The following RALGPS2 variants were observed in gnomAD, a reference collection of about 807,000 sequenced individuals.
RALGPS2 encodes Ral GEF with PH domain and SH3 binding motif 2, also known as ras-specific guanine nucleotide-releasing factor RalGPS2.
In RALGPS2, 43 loss-of-function variants were observed where a neutral mutation model predicts 86.8. The observed-to-expected ratio is 0.50, with a 90% CI of 0.39 to 0.64. The LOEUF (loss-of-function observed/expected upper bound fraction) is 0.64. RALGPS2 is among the 30% of genes least tolerant of loss of function. The pLI is 0.00. For synonymous variants in RALGPS2, 243 were observed against 231.3 expected, an observed-to-expected ratio of 1.05 and a Z score of -0.46; for missense variants, 536 against 694.6, an observed-to-expected ratio of 0.77 and a Z score of 2.57.
chr1:178,811,418 G>T lies in RALGPS2; in HGVS notation c.387+14G>T, dbSNP rs763113767. The T allele has an allele frequency of 2.7e-6, 4 of 1,489,664 alleles. No homozygotes were observed. In the East Asian group the frequency reaches 7.7e-5, roughly 29 times the overall value. The allele number at this position is 1,489,664 out of a possible 1,614,324, so 92.3% of individuals were successfully genotyped here. A position where few individuals can be genotyped will look rare whatever the true frequency, so the allele number is the denominator to read the frequency against. On this transcript the variant is annotated intron_variant, in intron 6 of 19. Coordinates refer to ENST00000367635, the MANE Select transcript of RALGPS2 (RefSeq NM_152663.5). ...AAAACTGCTAAGGTAAGAAAAACTT[G>T]TGTTTTTATTTTTGAGTTCAACCAT...
At chr1:178,869,343 T>C (rs368320746) in intron 8 of RALGPS2, 1 of 152,136 alleles carries the variant, frequency 6.6e-6, no homozygotes, top group East Asian at 1.9e-4. Flanking sequence ...GTTAAATTTA[T>C]GAAGCATTCA....
intron 6 of RALGPS2, among the ~76,000 whole-genome samples, chr1:178,815,010 A>C (rs1655159717): frequency 1.3e-5 from 2 of 152,052 alleles, no homozygotes; most frequent in African/African-American, 4.8e-5. Context: ...TCTGTTTAAG[A>C]TCTTTCAGCA....
chr1:178,784,322 A>C (rs1001625612), intron 2 of RALGPS2, 96 bp from the exon 3 acceptor site: 1 of 804,798 alleles, frequency 1.2e-6, no homozygotes, highest in East Asian at 2.9e-5. Flanking sequence ...TTGTTAACCT[A>C]CTGTTTTGTT....
At position 178,757,669 on chromosome 1, in the gene RALGPS2, G is replaced by A. The variant is rs568935335; in HGVS notation, c.-83-19013G>A. ...CTTAATCATGGTGAATTAACTTTTT[G>A]GTGTGCTGCTGGATTCGGCTTGCTA... On this transcript the variant is annotated intron_variant, in intron 1 of 19. Transcript: ENST00000367635. Among the ~76,000 whole-genome samples, 4 of 152,222 alleles carry A rather than the reference G, an allele frequency of 2.6e-5. No homozygotes were observed. In the South Asian group the frequency reaches 8.3e-4, roughly 32 times the overall value.
intron 18 of RALGPS2, among the ~76,000 whole-genome samples, chr1:178,903,582 A>G (rs972745773): frequency 1.3e-5 from 2 of 152,170 alleles, no homozygotes; most frequent in Non-Finnish European, 2.9e-5. Context: ...GCTCCCACGT[A>G]TCAGTGAGAA....
intron 16 of RALGPS2, among the ~76,000 whole-genome samples, chr1:178,896,205 A>T (rs979693067): frequency 5.3e-5 from 8 of 152,056 alleles, no homozygotes; most frequent in Admixed American, 2.6e-4. Context: ...TTGATGGCCC[A>T]AAAGCCAAAT....
intron 4 of RALGPS2, among the ~76,000 whole-genome samples, chr1:178,802,798 T>A (rs542540658): frequency 5.6e-4 from 85 of 152,176 alleles, no homozygotes; most frequent in South Asian, 3.5e-3. Flanking sequence ...TTAACTTTTT[T>A]AAATACATTT....
At chr1:178,903,094 C>T (rs1420449252) in intron 18 of RALGPS2, among the ~76,000 whole-genome samples, 1 of 152,066 alleles carries the variant, frequency 6.6e-6, no homozygotes, top group African/African-American at 2.4e-5. Context: ...ATAACAACTG[C>T]TAGCTGTTGA....
In RALGPS2 at chr1:178,733,563, A is replaced by T. The variant is rs1650514296; in HGVS notation, c.-84+8144A>T. On this transcript the variant is annotated intron_variant, in intron 1 of 19. Transcript: ENST00000367635. ...GTGTTAGTTAAAAAATCTGAAATAC[A>T]AAGTGTTGGCAAGAATGTAGAGCAT... 3.9e-5 allele frequency among the ~76,000 whole-genome samples: 6 copies of T among 152,266 alleles called. No individual in the cohort carries two copies. In the South Asian group the frequency reaches 1.2e-3, roughly 32 times the overall value.
At chr1:178,889,810 C>G in intron 14 of RALGPS2, 114 bp downstream of exon 14, 2 of 640,308 alleles carry the variant, frequency 3.1e-6, no homozygotes, top group Non-Finnish European at 5.2e-6. Context: ...ATTAAGTTTT[C>G]TACTGGTAAA....
In RALGPS2 at chr1:178,779,042, T is replaced by C. The variant is rs117235191; in HGVS notation, c.57+2221T>C. On this transcript the variant is annotated intron_variant, in intron 2 of 19. Transcript: ENST00000367635. ...TACATTACATCATCCTTGAGGGCAA[T>C]AATGCAAGTAAGGCAAAGAAAGATT... Among the ~76,000 whole-genome samples the C allele has an allele frequency of 3.9e-5, 6 of 152,282 alleles. No homozygotes were observed. In the East Asian group the frequency reaches 1.2e-3, roughly 29 times the overall value.
At chr1:178,864,941 A>G in intron 8 of RALGPS2, 2 of 1,424,012 alleles carry the variant, frequency 1.4e-6, no homozygotes, top group Non-Finnish European at 1.8e-6. Context: ...TTTTACAGTA[A>G]GAGGTAACTC....
chr1:178,835,577 G>A lies in RALGPS2; in HGVS notation c.607+2027G>A, dbSNP rs368422487. On this transcript the variant is annotated intron_variant, in intron 8 of 19. Transcript: ENST00000367635. ...CCAGCTAATTTTTGTATTTTTAGTC[G>A]AGATGGGGTTTCACCATATTGGCCA... 3.9e-4 allele frequency among the ~76,000 whole-genome samples: 59 copies of A among 152,020 alleles called. No homozygotes were observed. In the South Asian group the frequency reaches 0.012, roughly 30 times the overall value.
At chr1:178,736,703 A>G (rs1650727176) in intron 1 of RALGPS2, among the ~76,000 whole-genome samples, 1 of 152,064 alleles carries the variant, frequency 6.6e-6, no homozygotes, top group Non-Finnish European at 1.5e-5. Context: ...TTTAAGACCC[A>G]GCCTGGGCAA....
chr1:178,764,105 T>A (rs1367052378), intron 1 of RALGPS2, among the ~76,000 whole-genome samples: 1 of 152,224 alleles, frequency 6.6e-6, no homozygotes, highest in African/African-American at 2.4e-5. Context: ...TCTGTGTCTC[T>A]TCATAGGTCT....
rs527593016 is a variant in RALGPS2, at chr1:178,750,121, A to T, written c.-84+24702A>T. Among the ~76,000 whole-genome samples the T allele has an allele frequency of 1.9e-3, 294 of 152,276 alleles. 5 individuals carry two copies. Among genetic ancestry groups the T allele is most frequent in the Middle Eastern group, 0.01 (3 of 294 alleles). On this transcript the variant is annotated intron_variant, in intron 1 of 19. Coordinates refer to ENST00000367635, the MANE Select transcript of RALGPS2 (RefSeq NM_152663.5). ...GTGAGACTCTGTCTCAAGAAAACAAACAAAAAAACAGTACTTTCTGAAGTA... is the reference window on the plus strand; with the variant it reads ...GTGAGACTCTGTCTCAAGAAAACAATCAAAAAAACAGTACTTTCTGAAGTA...
intron 5 of RALGPS2, among the ~76,000 whole-genome samples, chr1:178,808,479 TTTTTA>T (rs1346849263): frequency 1.3e-5 from 2 of 152,124 alleles, no homozygotes; most frequent in African/African-American, 4.8e-5. Context: ...TCTTTTCTTA[TTTTTA>T]TTTTATTTTT....
At chr1:178,819,142 C>A (rs1383286337) in intron 6 of RALGPS2, among the ~76,000 whole-genome samples, 3 of 151,916 alleles carry the variant, frequency 2.0e-5, no homozygotes, top group Non-Finnish European at 2.9e-5. Context: ...GCACATGCCA[C>A]CACGCACCTG....
chr1:178,857,298 C>T (rs973851699), intron 8 of RALGPS2, among the ~76,000 whole-genome samples: 2 of 152,156 alleles, frequency 1.3e-5, no homozygotes, highest in Non-Finnish European at 2.9e-5. Context: ...AGATATGAAA[C>T]TATGTGATTC....
Sources: gnomAD v4.1 joint callset for allele counts (sites outside exome capture counted in the v4.1 genomes callset) on GRCh38, gnomAD v4.1.1 for gene constraint, MANE v1.5 for transcripts, NCBI Gene and HGNC (gene_info 2026-07-23, HGNC 2026-07-21) for gene names.